Variants in IAH1 observed in about 807,000 individuals in gnomAD.
IAH1 encodes the protein isoamyl acetate hydrolyzing esterase 1 (putative).
Under a neutral mutation model 26.7 loss-of-function variants are expected in IAH1, and 24 were observed. The observed-to-expected ratio is 0.90, with a 90% CI of 0.65 to 1.26. The LOEUF (loss-of-function observed/expected upper bound fraction) is 1.26, where lower values mean the gene tolerates loss of function less well. IAH1 is among the 50% of genes most tolerant of loss of function. The probability of loss-of-function intolerance (pLI) is 0.00; values close to 1 mark genes in which losing one functional copy is unlikely to be tolerated. For synonymous variants in IAH1, 140 were observed against 118.5 expected (o/e 1.18, Z -1.18); for missense variants, 300 against 299.9 (o/e 1.00, Z 0.00).
In IAH1 at chr2:9,488,229, T is replaced by G; in HGVS notation, c.647T>G (p.Ile216Arg). Residue 216 changes from isoleucine (I) to arginine (R), a missense_variant, in exon 6 of 6, where the codon ATA (isoleucine) becomes AGA (arginine). Physicochemically the swap from Ile to Arg is moderately conservative, Grantham distance 97. Coordinates refer to ENST00000497473, the MANE Select transcript of IAH1 (RefSeq NM_001039613.3). Reference sequence around the variant, plus strand: ...TTGTTCTCGCATCTCTGGCCTTTGATAGAGAAAAAGGTCTCTTCTCTACCT... The same window carrying G: ...TTGTTCTCGCATCTCTGGCCTTTGAGAGAGAAAAAGGTCTCTTCTCTACCT... ...EFLFSHLWPL[I>R]EKKVSSLPLL... 6.2e-6 allele frequency: 10 copies of G among 1,613,540 alleles called. No individual in the cohort carries two copies. Among genetic ancestry groups the G allele is most frequent in the Non-Finnish European group, 7.6e-6 (9 of 1,179,780 alleles).
downstream of IAH1, among the ~76,000 whole-genome samples, chr2:9,500,837 G>A (rs185483865): frequency 1.7e-3 from 257 of 152,206 alleles, 3 homozygotes; most frequent in African/African-American, 5.1e-3. Flanking sequence ...ACAATTGACC[G>A]AACAAAAGAT....
chr2:9,488,092 T>G, intron 5 of IAH1, 55 bp from the exon 6 acceptor site: 37 of 1,201,234 alleles, frequency 3.1e-5, no homozygotes, highest in Non-Finnish European at 4.1e-5. Context: ...ATGACAGGGG[T>G]GAGCTACCAC....
chr2:9,501,463 C>T (rs552958136), downstream of IAH1, among the ~76,000 whole-genome samples: 6 of 152,142 alleles, frequency 3.9e-5, no homozygotes, highest in South Asian at 8.3e-4. Context: ...CCTGAAGGGA[C>T]GTAGGAGGAT....
chr2:9,477,150 G>A (rs906957839), intron 2 of IAH1, among the ~76,000 whole-genome samples: 1 of 152,158 alleles, frequency 6.6e-6, no homozygotes, highest in African/African-American at 2.4e-5. Context: ...GCTGAGTTTC[G>A]GTGGTGGTTC....
upstream of IAH1, chr2:9,474,423 C>T (rs1043266519): frequency 6.8e-6 from 3 of 440,676 alleles, no homozygotes; most frequent in African/African-American, 2.1e-5. This position sits in a 1 kb window ranked among gnomAD's most constrained non-coding sequence, Gnocchi z 4.3. Context: ...TTCTTGCAAA[C>T]GGACTCCAAG....
chr2:9,506,448 C>A, the IAH1 span, among the ~76,000 whole-genome samples: 2 of 143,898 alleles, frequency 1.4e-5, no homozygotes, highest in Non-Finnish European at 3.0e-5. Context: ...CTTATTGTAA[C>A]CTCCGCCTCC....
chr2:9,494,885 T>C, intron 6 of IAH1: 1 of 1,284,614 alleles, frequency 7.8e-7, no homozygotes, highest in Non-Finnish European at 1.1e-6. Context: ...TTATTTTTTA[T>C]TTAAATAGCT....
At chr2:9,490,272 C>T (rs749860291), downstream of IAH1, 29 of 1,614,070 alleles carry the variant, frequency 1.8e-5, no homozygotes, top group African/African-American at 1.3e-5. Context: ...TCCGTGAGAT[C>T]CTCAAATGAC....
chr2:9,502,321 C>T, the IAH1 span: 5 of 1,499,682 alleles, frequency 3.3e-6, no homozygotes, highest in Admixed American at 5.1e-5. Context: ...CAAATTATGG[C>T]CCCATATCAA....
chr2:9,504,337 G>A, the IAH1 span, among the ~76,000 whole-genome samples: 2 of 151,808 alleles, frequency 1.3e-5, no homozygotes, highest in Non-Finnish European at 2.9e-5. Flanking sequence ...CCCAGTTATT[G>A]GGGAGGCTGA....
chr2:9,474,322 C>T (rs1335667771), upstream of IAH1, among the ~76,000 whole-genome samples: 1 of 152,228 alleles, frequency 6.6e-6, no homozygotes, highest in Admixed American at 6.5e-5. The surrounding 1 kb of genome is among the most constrained non-coding windows in gnomAD (Gnocchi z 4.3). Context: ...GGCCCCCAAC[C>T]GCTTTTCTTC....
the IAH1 span, chr2:9,506,932 G>A: frequency 2.0e-5 from 3 of 152,288 alleles, no homozygotes; most frequent in East Asian, 3.9e-4. Context: ...CATCCCTGAA[G>A]ATCTGGCAGC....
chr2:9,477,841 T>C (rs1024082597), intron 2 of IAH1, among the ~76,000 whole-genome samples: 1 of 152,154 alleles, frequency 6.6e-6, no homozygotes, highest in Non-Finnish European at 1.5e-5. Flanking sequence ...TAAACCAAAC[T>C]AAACTATTTA....
exon 7 of IAH1, chr2:9,496,379 C>T (rs1310201884): frequency 6.6e-6 from 1 of 152,230 alleles, no homozygotes; most frequent in East Asian, 1.9e-4. Flanking sequence ...ATCTGCCCAC[C>T]TCGGCCTCCC....
At chr2:9,502,506 T>C in the IAH1 span, among the ~76,000 whole-genome samples, 1 of 152,116 alleles carries the variant, frequency 6.6e-6, no homozygotes, top group African/African-American at 2.4e-5. Flanking sequence ...GAGAAAAGAA[T>C]GGGAACACAG....
At chr2:9,492,405 T>A (rs1293848635), downstream of IAH1, among the ~76,000 whole-genome samples, 1 of 152,358 alleles carries the variant, frequency 6.6e-6, no homozygotes, top group South Asian at 2.1e-4. Flanking sequence ...CTTACTCTTA[T>A]TTTTTGGGGA....
intron 3 of IAH1, among the ~76,000 whole-genome samples, chr2:9,478,643 T>C (rs1660967406): frequency 6.6e-6 from 1 of 152,202 alleles, no homozygotes; most frequent in Non-Finnish European, 1.5e-5. Flanking sequence ...TTGTAATGTG[T>C]TCTCTTTAGT....
intron 3 of IAH1, among the ~76,000 whole-genome samples, 157 bp downstream of exon 3, chr2:9,478,527 T>TGG (rs1660960660): frequency 6.6e-6 from 1 of 152,234 alleles, no homozygotes; most frequent in Admixed American, 6.5e-5. Context: ...GCTTTAACAC[T>TGG]GGTGGATTTT....
At chr2:9,481,964 G>A (rs1661199510) in intron 4 of IAH1, among the ~76,000 whole-genome samples, 2 of 151,786 alleles carry the variant, frequency 1.3e-5, no homozygotes, top group South Asian at 2.1e-4. Flanking sequence ...GGACCTTCAC[G>A]GTTCAAACCT....
Sources: allele counts gnomAD v4.1 joint callset (sites outside exome capture counted in the v4.1 genomes callset), GRCh38; gene constraint gnomAD v4.1.1; non-coding constraint Gnocchi (gnomAD v3.1); transcripts MANE v1.5; gene names NCBI Gene and HGNC (gene_info 2026-07-23, HGNC 2026-07-21).